Variants in LHFPL3 observed in about 807,000 individuals in gnomAD.
The protein encoded by LHFPL3 is LHFPL tetraspan subfamily member 3, also known as LHFPL tetraspan subfamily member 3 protein.
A neutral mutation model predicts 19.3 loss-of-function variants in LHFPL3; 5 were observed. That is an observed-to-expected ratio of 0.26 (90% CI 0.14 to 0.54). LHFPL3 has a LOEUF of 0.54. Among genes scored for constraint, LHFPL3 ranks in the 20% least tolerant of loss-of-function variants. The probability of loss-of-function intolerance (pLI) is 0.94; values close to 1 mark genes in which losing one functional copy is unlikely to be tolerated. For missense variants in LHFPL3, 249 were observed against 307.4 expected (o/e 0.81, Z 1.42); for synonymous variants, 133 against 126.2 (o/e 1.05, Z -0.36).
chr7:104,448,268 A>G (rs10253179), intron 1 of LHFPL3, among the ~76,000 whole-genome samples: 27,790 of 152,104 alleles, frequency 0.18, 2,558 homozygotes, highest in African/African-American at 0.21. Flanking sequence ...TGCTTTCTTC[A>G]GTGTCTAGTT....
intron 1 of LHFPL3, among the ~76,000 whole-genome samples, chr7:104,529,418 G>T (rs57637834): frequency 0.02 from 3,023 of 152,170 alleles, 84 homozygotes; most frequent in African/African-American, 0.069. Context: ...AGGGTTATGA[G>T]TGCATGACTG....
chr7:104,836,843 G>A (rs1189887404), intron 2 of LHFPL3, among the ~76,000 whole-genome samples: 1 of 152,164 alleles, frequency 6.6e-6, no homozygotes, highest in Non-Finnish European at 1.5e-5. Flanking sequence ...TTGCTCCTAG[G>A]AGCCATGGCT....
intron 2 of LHFPL3, among the ~76,000 whole-genome samples, chr7:104,751,391 A>G (rs1794168107): frequency 1.4e-5 from 2 of 146,912 alleles, no homozygotes; most frequent in African/African-American, 5.0e-5. Context: ...TGGGTCTTGG[A>G]TTTTTTCCCA....
intron 1 of LHFPL3, among the ~76,000 whole-genome samples, chr7:104,619,784 G>A (rs913150346): frequency 6.6e-6 from 1 of 151,974 alleles, no homozygotes; most frequent in Non-Finnish European, 1.5e-5. Context: ...TAATACAGTA[G>A]TCCCCAATCT....
intron 2 of LHFPL3, among the ~76,000 whole-genome samples, chr7:104,840,376 C>T (rs908533968): frequency 5.6e-5 from 8 of 142,412 alleles, no homozygotes; most frequent in African/African-American, 2.1e-4. Context: ...AGTGCAGCGG[C>T]ACAATCGCGA....
At chr7:104,698,077 C>G (rs368088254) in intron 1 of LHFPL3, among the ~76,000 whole-genome samples, 1 of 152,198 alleles carries the variant, frequency 6.6e-6, no homozygotes, top group Admixed American at 6.5e-5. Context: ...GCTAGAGGAA[C>G]GTGCTCAGCA....
intron 1 of LHFPL3, among the ~76,000 whole-genome samples, chr7:104,631,744 T>C (rs1017546233): frequency 6.6e-6 from 1 of 152,152 alleles, no homozygotes; most frequent in Admixed American, 6.6e-5. Context: ...ACAGCACTTC[T>C]GAAACAGGAT....
intron 1 of LHFPL3, among the ~76,000 whole-genome samples, chr7:104,612,100 C>G (rs944704486): frequency 6.6e-6 from 1 of 152,130 alleles, no homozygotes; most frequent in African/African-American, 2.4e-5. Context: ...TCAGAGTTAT[C>G]TGGTGTGTGA....
At chr7:104,665,331 A>G (rs753516961) in intron 1 of LHFPL3, among the ~76,000 whole-genome samples, 2 of 152,248 alleles carry the variant, frequency 1.3e-5, no homozygotes, top group Non-Finnish European at 2.9e-5. Flanking sequence ...AAGACAGTAT[A>G]TTGAATTATT....
At chr7:104,469,007 G>A (rs1282348497) in intron 1 of LHFPL3, among the ~76,000 whole-genome samples, 1 of 152,164 alleles carries the variant, frequency 6.6e-6, no homozygotes, top group Non-Finnish European at 1.5e-5. Flanking sequence ...TTATGGGGAA[G>A]AGAGCTTTGA....
chr7:104,627,354 A>G (rs1467381475), intron 1 of LHFPL3, among the ~76,000 whole-genome samples: 1 of 152,166 alleles, frequency 6.6e-6, no homozygotes, highest in Non-Finnish European at 1.5e-5. Flanking sequence ...TATACCACAT[A>G]TTCTTTCTTC....
At chr7:104,388,829 A>G (rs1196253983) in intron 1 of LHFPL3, among the ~76,000 whole-genome samples, 1 of 76,254 alleles carries the variant, frequency 1.3e-5, no homozygotes, top group Non-Finnish European at 2.4e-5. Context: ...ACCCCCTTTT[A>G]TGGTGGAAAA....
chr7:104,442,967 A>G (rs1419248503), intron 1 of LHFPL3, among the ~76,000 whole-genome samples: 1 of 152,200 alleles, frequency 6.6e-6, no homozygotes, highest in Non-Finnish European at 1.5e-5. Context: ...ATCCTTTGGT[A>G]TGATAATCAT....
intron 1 of LHFPL3, among the ~76,000 whole-genome samples, chr7:104,515,780 G>A (rs541184355): frequency 3.9e-4 from 60 of 152,260 alleles, no homozygotes; most frequent in African/African-American, 1.4e-3. Flanking sequence ...TGTAGGTAGG[G>A]TGTGTAAGAG....
chr7:104,880,946 G>A (rs1792040035), intron 2 of LHFPL3, among the ~76,000 whole-genome samples: 1 of 152,106 alleles, frequency 6.6e-6, no homozygotes. Flanking sequence ...CAAGGCGGGT[G>A]AATCACGAGG....
At chr7:104,377,969 T>A (rs892153535) in intron 1 of LHFPL3, among the ~76,000 whole-genome samples, 2 of 152,194 alleles carry the variant, frequency 1.3e-5, no homozygotes, top group Admixed American at 1.3e-4. Context: ...AATTTTGAAC[T>A]CTTCCAAATG....
intron 1 of LHFPL3, among the ~76,000 whole-genome samples, chr7:104,372,319 T>TTAAA (rs1486327702): frequency 1.3e-5 from 2 of 152,200 alleles, no homozygotes; most frequent in Non-Finnish European, 2.9e-5. Context: ...GGGTTGCAGT[T>TTAAA]TAAAATATAT....
chr7:104,417,476 G>T (rs972493413), intron 1 of LHFPL3, among the ~76,000 whole-genome samples: 1 of 152,098 alleles, frequency 6.6e-6, no homozygotes, highest in Admixed American at 6.5e-5. Flanking sequence ...TTGATCTTTA[G>T]AAGGAATAAA....
In LHFPL3 at chr7:104,489,078, CTTTTTTTTT is replaced by C. The variant is rs10706776; in HGVS notation, c.445+159868_445+159876del. On this transcript the variant is annotated intron_variant, in intron 1 of 2. Transcript: ENST00000424859. ...TGCTCTACTCTCACTGTGCTGAAAT[CTTTTTTTTT>C]TTTTTTTTTTTTTGAGACGGAGTCT... Among the ~76,000 whole-genome samples, 110 of 41,686 alleles carry C rather than the reference CTTTTTTTTT, an allele frequency of 2.6e-3. 26 individuals are homozygous for C. Among genetic ancestry groups the C allele is most frequent in the South Asian group, 0.026 (22 of 842 alleles). 27.3% of individuals were successfully genotyped at this position (41,686 alleles called of 152,430 possible).
Sources: allele counts gnomAD v4.1 joint callset (sites outside exome capture counted in the v4.1 genomes callset), GRCh38; gene constraint gnomAD v4.1.1; transcripts MANE v1.5; gene names NCBI Gene and HGNC (gene_info 2026-07-23, HGNC 2026-07-21).